Variants in CHODL observed in about 807,000 individuals in gnomAD.
CHODL encodes the protein chondrolectin.
CHODL carries 29 observed loss-of-function variants against 34.5 expected under a neutral mutation model. That is an observed-to-expected ratio of 0.84 (90% CI 0.63 to 1.15). CHODL has a LOEUF of 1.15. Among genes scored for constraint, CHODL ranks in the 50% most tolerant of loss-of-function variants. CHODL has a pLI of 0.00. For synonymous variants in CHODL, 125 were observed against 116.1 expected, an observed-to-expected ratio of 1.08 and a Z score of -0.49; for missense variants, 332 against 332.5, an observed-to-expected ratio of 1.00 and a Z score of 0.01.
chr21:17,999,023 G>T (rs1316920022), intron 1 of CHODL, among the ~76,000 whole-genome samples: 1 of 152,110 alleles, frequency 6.6e-6, no homozygotes, highest in African/African-American at 2.4e-5. Flanking sequence ...CCTTTATGCT[G>T]TTTCCCTTTT....
At chr21:18,250,469 ATTTG>A (rs1315875902) in intron 1 of CHODL, among the ~76,000 whole-genome samples, 11 of 151,836 alleles carry the variant, frequency 7.2e-5, no homozygotes, top group African/African-American at 1.2e-4. Context: ...TTATAAATAA[ATTTG>A]TTTATTAATG....
intron 1 of CHODL, among the ~76,000 whole-genome samples, chr21:17,963,285 T>C (rs1440674109): frequency 1.3e-5 from 2 of 152,122 alleles, no homozygotes; most frequent in African/African-American, 4.8e-5. Flanking sequence ...GGTAATTACG[T>C]AGAAAAATGT....
chr21:17,938,993 A>G (rs998741604), intron 1 of CHODL, among the ~76,000 whole-genome samples: 2 of 152,204 alleles, frequency 1.3e-5, no homozygotes, highest in African/African-American at 4.8e-5. Context: ...CTGAAAATCT[A>G]TTGGTGGGAA....
In CHODL at chr21:17,934,658, C is replaced by T. The variant is rs1039794058; in HGVS notation, c.-145+17258C>T. 3.3e-5 allele frequency among the ~76,000 whole-genome samples: 5 copies of T among 152,026 alleles called. No individual in the cohort carries two copies. In the South Asian group the frequency reaches 6.2e-4, roughly 19 times the overall value. ...TGGTCCCTTTAAGTTTTTATTATAA[C>T]GTTTTTCATCCCACCTCTTCCTTTT... On this transcript the variant is annotated intron_variant, in intron 1 of 6. Transcript: ENST00000400127.
At chr21:18,213,882 C>G (rs1293113280) in intron 2 of CHODL, among the ~76,000 whole-genome samples, 2 of 151,976 alleles carry the variant, frequency 1.3e-5, no homozygotes, top group Non-Finnish European at 2.9e-5. Context: ...AGTCACTATC[C>G]CCACCAGTTT....
intron 2 of CHODL, among the ~76,000 whole-genome samples, chr21:18,167,811 T>C (rs921707215): frequency 1.3e-5 from 2 of 152,176 alleles, no homozygotes; most frequent in Non-Finnish European, 2.9e-5. Flanking sequence ...TGATATTGAG[T>C]GTCAACTTGA....
At position 18,159,369 on chromosome 21, in the gene CHODL, TC is replaced by T. The variant is rs746067537; in HGVS notation, c.-44-97136del. Among the ~76,000 whole-genome samples the T allele has an allele frequency of 1.2e-4, 18 of 152,302 alleles. No homozygotes were observed. In the South Asian group the frequency reaches 3.7e-3, roughly 32 times the overall value. On this transcript the variant is annotated intron_variant, in intron 2 of 6. Coordinates refer to the CHODL transcript ENST00000400127. ...TGATTTAATATGGGAACTATTTTGTTCCCCTCCACCACTATTAATTGAAAAG... is the reference window on the plus strand; with the variant it reads ...TGATTTAATATGGGAACTATTTTGTTCCCTCCACCACTATTAATTGAAAAG...
intron 2 of CHODL, among the ~76,000 whole-genome samples, chr21:18,186,428 T>G (rs1191029540): frequency 3.9e-5 from 6 of 152,012 alleles, no homozygotes; most frequent in Admixed American, 3.9e-4. Flanking sequence ...AAAAGTCATG[T>G]TCACTGCTGC....
chr21:18,028,267 T>TTCC (rs2064201979), intron 2 of CHODL, among the ~76,000 whole-genome samples: 3 of 49,604 alleles, frequency 6.0e-5, no homozygotes, highest in Admixed American at 2.2e-4. Context: ...TCTTTTTCTT[T>TTCC]TTCCTTTTCC....
intron 1 of CHODL, among the ~76,000 whole-genome samples, chr21:17,982,879 C>G (rs1011093598): frequency 3.3e-5 from 5 of 151,092 alleles, no homozygotes; most frequent in Non-Finnish European, 7.4e-5. Context: ...TCCCTCCAAC[C>G]CCCCCCAGCT....
chr21:18,029,015 G>A (rs1308566886), intron 2 of CHODL, among the ~76,000 whole-genome samples: 1 of 152,124 alleles, frequency 6.6e-6, no homozygotes, highest in Non-Finnish European at 1.5e-5. Flanking sequence ...AGTGAGCTTA[G>A]CATCTCATGT....
chr21:18,114,143 G>T (rs1034886061), intron 2 of CHODL, among the ~76,000 whole-genome samples: 2 of 152,184 alleles, frequency 1.3e-5, no homozygotes, highest in Non-Finnish European at 2.9e-5. Context: ...ATGCTGGGAA[G>T]AATAGTGGGG....
intron 2 of CHODL, among the ~76,000 whole-genome samples, chr21:18,043,012 G>A (rs2064395351): frequency 6.6e-6 from 1 of 151,846 alleles, no homozygotes; most frequent in Non-Finnish European, 1.5e-5. Context: ...ATTATTATTT[G>A]CTGTTCTGGA....
At chr21:18,136,943 T>C (rs1418094078) in intron 2 of CHODL, among the ~76,000 whole-genome samples, 2 of 152,006 alleles carry the variant, frequency 1.3e-5, no homozygotes, top group African/African-American at 4.8e-5. Flanking sequence ...AAAAGATTAC[T>C]TTCTGCTCAT....
At chr21:18,122,886 A>G (rs897592416) in intron 2 of CHODL, among the ~76,000 whole-genome samples, 2 of 152,236 alleles carry the variant, frequency 1.3e-5, no homozygotes, top group Non-Finnish European at 2.9e-5. Flanking sequence ...GTAAAGCAAC[A>G]TATTCTCTCC....
At chr21:18,062,006 A>C (rs1339473169) in intron 2 of CHODL, among the ~76,000 whole-genome samples, 1 of 152,188 alleles carries the variant, frequency 6.6e-6, no homozygotes, top group African/African-American at 2.4e-5. Context: ...CAATTGATGT[A>C]AGGCCTGGAT....
At position 18,208,592 on chromosome 21, in the gene CHODL, C is replaced by T. The variant is rs141936353; in HGVS notation, c.-44-47917C>T. 2.0e-3 allele frequency among the ~76,000 whole-genome samples: 307 copies of T among 152,196 alleles called. 1 individual carries two copies. Among genetic ancestry groups the T allele is most frequent in the African/African-American group, 6.9e-3 (288 of 41,516 alleles). ...GCATTGAATAGCTAAGCATTTATTG[C>T]AGTCTTCATACTCTGGGCTTGTGTG... On this transcript the variant is annotated intron_variant, in intron 2 of 6. Transcript: ENST00000400127.
chr21:18,026,907 A>G (rs1374716423), intron 1 of CHODL, among the ~76,000 whole-genome samples: 2 of 152,156 alleles, frequency 1.3e-5, no homozygotes, highest in East Asian at 1.9e-4. Flanking sequence ...AGGATGTGAT[A>G]GTTAAAGTTT....
chr21:18,247,531 A>G (rs564197284), intron 1 of CHODL, among the ~76,000 whole-genome samples: 188 of 152,260 alleles, frequency 1.2e-3, no homozygotes, highest in African/African-American at 4.3e-3. Context: ...ATTACCTAAA[A>G]ATAAAGTGGA....
Sources: allele counts gnomAD v4.1 joint callset (sites outside exome capture counted in the v4.1 genomes callset), GRCh38; gene constraint gnomAD v4.1.1; transcripts MANE v1.5; gene names NCBI Gene and HGNC (gene_info 2026-07-23, HGNC 2026-07-21).